The following EHBP1L1 variants were observed in gnomAD, a reference collection of about 807,000 sequenced individuals.
The protein encoded by EHBP1L1 is EH domain-binding protein 1-like protein 1.
Under a neutral mutation model 151.1 loss-of-function variants are expected in EHBP1L1, and 122 were observed. The observed-to-expected ratio is 0.81, with a 90% CI of 0.70 to 0.94. The LOEUF (loss-of-function observed/expected upper bound fraction) is 0.94. Ranked by LOEUF, EHBP1L1 falls within the 40% of genes least tolerant of loss-of-function variation. The probability of loss-of-function intolerance (pLI) is 0.00; values close to 1 mark genes in which losing one functional copy is unlikely to be tolerated. For synonymous variants in EHBP1L1, 878 were observed against 810.1 expected (o/e 1.08, Z -1.42); for missense variants, 1,941 against 1,959.8 (o/e 0.99, Z 0.18).
At position 65,585,555 on chromosome 11, in the gene EHBP1L1, C is replaced by A. The variant is rs373977291; in HGVS notation, c.3897C>A (p.Asp1299Glu). 33 of 1,582,502 alleles carry A rather than the reference C, an allele frequency of 2.1e-5. No individual in the cohort carries two copies. The highest frequency in any genetic ancestry group is 1.4e-4 in the Admixed American group (8 of 57,870). ...RLRNSSSFSMDDPDAGAMGAA... is the reference protein window; with the variant it reads ...RLRNSSSFSMEDPDAGAMGAA... ...GGAACAGCAGCTCGTTCTCGATGGA[C>A]GATCCGGACGCGGGAGCCATGGGAG... The change falls in exon 12 of 19, where the codon GAC becomes GAA. Residue 1299 changes from aspartate to glutamate, a missense_variant. Asp to Glu is a conservative substitution (Grantham distance 45, BLOSUM62 2). Coordinates refer to ENST00000309295, the MANE Select transcript of EHBP1L1 (RefSeq NM_001099409.3). This position sits in a 1 kb window ranked among gnomAD's most constrained non-coding sequence, Gnocchi z 4.0.
chr11:65,584,597 C>G (rs1857834049), intron 11 of EHBP1L1, 63 bp downstream of exon 11: 1 of 1,572,144 alleles, frequency 6.4e-7, no homozygotes, highest in Admixed American at 1.9e-5. Flanking sequence ...CTCTCAGTGT[C>G]AGATTTGGAG....
At position 65,592,013 on chromosome 11, in the gene EHBP1L1, G is replaced by C; in HGVS notation, c.4395G>C (p.Gln1465His). ...CGTCCGCTCAGCAGCACCGAGAGCA[G>C]CTCCTACTGGAGGAGCTGGTGTCGC... The part of the protein sequence containing the change: ...QKTSAQQHRE[Q>H]LLLEELVSLV... Residue 1465 changes from glutamine to histidine, a missense_variant, in exon 18 of 19, where the codon CAG becomes CAC. By Grantham distance (24) the Gln-to-His change is conservative. Coordinates refer to ENST00000309295, the MANE Select transcript of EHBP1L1 (RefSeq NM_001099409.3). The C allele has an allele frequency of 1.2e-6, 2 of 1,613,408 alleles. No homozygotes were observed. The highest frequency in any genetic ancestry group is 1.7e-6 in the Non-Finnish European group (2 of 1,179,674).
chr11:65,582,300 G>A lies in EHBP1L1; in HGVS notation c.1628G>A (p.Gly543Glu), dbSNP rs1346895732. 1 of 1,531,722 alleles carries A rather than the reference G, an allele frequency of 6.5e-7. No individual in the cohort carries two copies. Among genetic ancestry groups the A allele is most frequent in the African/African-American group, 1.4e-5 (1 of 71,924 alleles). The allele number at this position is 1,531,722 out of a possible 1,614,324, so 94.9% of individuals were successfully genotyped here. The change falls in exon 9 of 19, where the codon GGG becomes GAG. Residue 543 changes from glycine (G) to glutamate (E), a missense_variant. By Grantham distance (98) the Gly-to-Glu change is moderately conservative (BLOSUM62 -2). Coordinates refer to ENST00000309295, the MANE Select transcript of EHBP1L1 (RefSeq NM_001099409.3). ...AGGCCCCAGGTGAGCAGCTGGCAGGGGGCCCTGTTATCAACTGCCCAGGGG... is the reference window on the plus strand; with the variant it reads ...AGGCCCCAGGTGAGCAGCTGGCAGGAGGCCCTGTTATCAACTGCCCAGGGG... ...STRPQVSSWQ[G>E]ALLSTAQGAI...
rs1169171324 is a variant in EHBP1L1, at chr11:65,576,390, G to C, written c.88G>C (p.Glu30Gln). ...FVACYHELVL[E>Q]CTKKWQPDKL... Reference sequence around the variant, plus strand: ...GGCCTGTTACCACGAGCTAGTGTTGGAGTGCACCAAGAAATGGTGAGTGGG... The same window carrying C: ...GGCCTGTTACCACGAGCTAGTGTTGCAGTGCACCAAGAAATGGTGAGTGGG... The change falls in exon 1 of 19, where the codon GAG (glutamate) becomes CAG (glutamine). Residue 30 changes from glutamate (E) to glutamine (Q), a missense_variant. Physicochemically the swap from Glu to Gln is conservative, Grantham distance 29. Transcript: ENST00000309295. The C allele has an allele frequency of 6.3e-7, 1 of 1,589,006 alleles. No individual in the cohort carries two copies. The highest frequency in any genetic ancestry group is 1.3e-5 in the African/African-American group (1 of 74,634).
In EHBP1L1 at chr11:65,585,561, G is replaced by A. The variant is rs1240160247; in HGVS notation, c.3903G>A (p.Pro1301=). The A allele has an allele frequency of 3.2e-6, 5 of 1,581,848 alleles. No individual in the cohort carries two copies. Among genetic ancestry groups the A allele is most frequent in the African/African-American group, 1.3e-5 (1 of 74,448 alleles). The part of the protein sequence containing the change: ...RNSSSFSMDD[P]DAGAMGAAAA... ...GCAGCTCGTTCTCGATGGACGATCCGGACGCGGGAGCCATGGGAGCTGCGG... is the reference window on the plus strand; with the variant it reads ...GCAGCTCGTTCTCGATGGACGATCCAGACGCGGGAGCCATGGGAGCTGCGG... Residue 1301 remains proline, a synonymous_variant, in exon 12 of 19, where the codon CCG becomes CCA. Transcript: ENST00000309295. This position sits in a 1 kb window ranked among gnomAD's most constrained non-coding sequence, Gnocchi z 4.0.
In EHBP1L1 at chr11:65,592,043, G is replaced by A. The variant is rs376264175; in HGVS notation, c.4425G>A (p.Val1475=). 4 of 1,613,280 alleles carry A rather than the reference G, an allele frequency of 2.5e-6. No homozygotes were observed. In the East Asian group the frequency reaches 6.7e-5, roughly 27 times the overall value. The change falls in exon 18 of 19, where the codon GTG becomes GTA. Residue 1475 remains valine (V), a synonymous_variant. Coordinates refer to ENST00000309295, the MANE Select transcript of EHBP1L1 (RefSeq NM_001099409.3). ...QLLLEELVSL[V]NQRDELVRDL... ...TACTGGAGGAGCTGGTGTCGCTGGT[G>A]AACCAGCGCGATGAGCTAGTCCGGG...
intron 1 of EHBP1L1, 26 bp downstream of exon 1, chr11:65,576,432 T>C (rs1252100655): frequency 6.5e-7 from 1 of 1,538,042 alleles, no homozygotes; most frequent in East Asian, 2.5e-5. Context: ...GCGGGGGGGC[T>C]CCCCCGAACT....
chr11:65,591,652 A>G (rs547379644), intron 16 of EHBP1L1, 148 bp from the exon 17 acceptor site: 10 of 700,818 alleles, frequency 1.4e-5, no homozygotes, highest in Non-Finnish European at 2.6e-5. Flanking sequence ...TGGAGACTAG[A>G]GGATAGCTCT....
chr11:65,590,310 G>A (rs1039572607), intron 15 of EHBP1L1, 100 bp downstream of exon 15: 11 of 1,550,852 alleles, frequency 7.1e-6, no homozygotes, highest in South Asian at 6.0e-5. Context: ...GAGGAGGCAC[G>A]GCTGGCATCA....
Position 65,592,050 on chromosome 11 carries a change from C to A in EHBP1L1, c.4432C>A (p.Arg1478Ser). 6.2e-7 allele frequency: 1 copy of A among 1,613,324 alleles called. No individual in the cohort carries two copies. Among genetic ancestry groups the A allele is most frequent in the East Asian group, 2.2e-5 (1 of 44,854 alleles). The change falls in exon 18 of 19, where the codon CGC becomes AGC. Residue 1478 changes from arginine (R) to serine (S), a missense_variant. Arg to Ser is a moderately radical substitution (Grantham distance 110, BLOSUM62 -1). Transcript: ENST00000309295. The stretch of plus-strand genomic sequence containing the variant: ...GGAGCTGGTGTCGCTGGTGAACCAG[C>A]GCGATGAGCTAGTCCGGGACCTGGA... ...LEELVSLVNQ[R>S]DELVRDLDHK...
Position 65,582,594 on chromosome 11 carries a change from T to G in EHBP1L1, c.1922T>G (p.Ile641Arg). 1 of 1,612,420 alleles carries G rather than the reference T, an allele frequency of 6.2e-7. No homozygotes were observed. Among genetic ancestry groups the G allele is most frequent in the Non-Finnish European group, 8.5e-7 (1 of 1,179,612 alleles). Residue 641 changes from isoleucine to arginine, a missense_variant, in exon 9 of 19, where the codon ATA becomes AGA. Transcript: ENST00000309295. The stretch of plus-strand genomic sequence containing the variant: ...ACCCAGGAAACAGAGGTGGGGGTCA[T>G]AGAGACCCCAGGGACAGAGACTGAG... ...LETQETEVGVIETPGTETEVL... is the reference protein window; with the variant it reads ...LETQETEVGVRETPGTETEVL...
rs1857313516 is a variant in EHBP1L1, at chr11:65,576,172, C to A, written c.-131C>A. The A allele has an allele frequency of 1.5e-6, 1 of 683,644 alleles. No homozygotes were observed. The highest frequency in any genetic ancestry group is 2.1e-6 in the Non-Finnish European group (1 of 481,500). 42.3% of individuals were successfully genotyped at this position (683,644 alleles called of 1,614,324 possible). On this transcript the variant is annotated 5_prime_UTR_variant, in exon 1 of 19. Transcript: ENST00000309295. The stretch of plus-strand genomic sequence containing the variant: ...GGCAGCGGAGAGCGCGGTCCCGGGT[C>A]GGAGCCTGGGACACCTCCGCACGGA...
rs557445878 is a variant in EHBP1L1 at position 65,577,419 on chromosome 11, A to C, written c.104+1013A>C. Among the ~76,000 whole-genome samples the C allele has an allele frequency of 2.6e-5, 4 of 152,238 alleles. No individual in the cohort carries two copies. The South Asian group carries it at 8.3e-4, about 32-fold the overall frequency. ...CACATCTTTCAGCAGAGCCTGGGAG[A>C]GCTTGGGGGCTGGCACTTGAACTCT... On this transcript the variant is annotated intron_variant, in intron 1 of 18. Transcript: ENST00000309295.
rs114727705 is a variant in EHBP1L1, at chr11:65,584,412, G to T, written c.3251+14G>T. ...CCCAGACAAGATGTGAGCTGCCAGA[G>T]GGGTGGGAACGAATGGGGGAGCCAT... On this transcript the variant is annotated intron_variant, in intron 10 of 18. Coordinates refer to ENST00000309295, the MANE Select transcript of EHBP1L1 (RefSeq NM_001099409.3). 1.2e-4 allele frequency: 191 copies of T among 1,613,492 alleles called. No individual in the cohort carries two copies. The African/African-American group carries it at 2.3e-3, about 19-fold the overall frequency.
In EHBP1L1 at chr11:65,584,357, G is replaced by A. The variant is rs1857816895; in HGVS notation, c.3210G>A (p.Leu1070=). 1 of 1,609,880 alleles carries A rather than the reference G, an allele frequency of 6.2e-7. No homozygotes were observed. The highest frequency in any genetic ancestry group is 1.1e-5 in the South Asian group (1 of 90,878). ...TNFTTSWRNG[L]AFCAILHRFY... ...TCACCACATCCTGGCGCAACGGCTTGGCCTTCTGTGCCATCCTGCACCGAT... is the reference window on the plus strand; with the variant it reads ...TCACCACATCCTGGCGCAACGGCTTAGCCTTCTGTGCCATCCTGCACCGAT... The change falls in exon 10 of 19, where the codon TTG becomes TTA. Residue 1070 remains leucine, a synonymous_variant. Transcript: ENST00000309295.
intron 12 of EHBP1L1, among the ~76,000 whole-genome samples, chr11:65,587,209 A>G (rs1205392): frequency 0.96 from 145,922 of 152,238 alleles, 70,202 homozygotes; most frequent in Non-Finnish European, 1. Flanking sequence ...CCCGTCTCTA[A>G]TAAAATACAA....
At chr11:65,584,663 C>A in intron 11 of EHBP1L1, 129 bp downstream of exon 11, 1 of 1,239,818 alleles carries the variant, frequency 8.1e-7, no homozygotes, top group Non-Finnish European at 1.1e-6. Flanking sequence ...CTTTTTACCC[C>A]TTTGGTCATT....
At chr11:65,588,455 T>C (rs1302286636) in intron 12 of EHBP1L1, among the ~76,000 whole-genome samples, 1 of 152,112 alleles carries the variant, frequency 6.6e-6, no homozygotes, top group Non-Finnish European at 1.5e-5. Context: ...GCCTCTCAGT[T>C]TCAGCTTGAG....
intron 9 of EHBP1L1, 101 bp downstream of exon 9, chr11:65,583,866 G>C: frequency 7.0e-7 from 1 of 1,425,140 alleles, no homozygotes; most frequent in Non-Finnish European, 9.1e-7. Flanking sequence ...GAATGGGATC[G>C]GGTGGGGTGG....
Sources: allele counts gnomAD v4.1 joint callset (sites outside exome capture counted in the v4.1 genomes callset), GRCh38; gene constraint gnomAD v4.1.1; non-coding constraint Gnocchi (gnomAD v3.1); transcripts MANE v1.5; gene names NCBI Gene and HGNC (gene_info 2026-07-23, HGNC 2026-07-21).